The following RARB variants were observed in gnomAD, a reference collection of about 807,000 sequenced individuals.
RARB encodes the protein HBV-activated protein.
In RARB, 17 loss-of-function variants were observed where a neutral mutation model predicts 51.9. That is an observed-to-expected ratio of 0.33 (90% CI 0.22 to 0.49). RARB has a LOEUF of 0.49. Among genes scored for constraint, RARB ranks in the 20% least tolerant of loss-of-function variants. The pLI is 0.99. For missense variants in RARB, 369 were observed against 550.8 expected, an observed-to-expected ratio of 0.67 and a Z score of 3.30; for synonymous variants, 215 against 195.4, an observed-to-expected ratio of 1.10 and a Z score of -0.84.
At chr3:25,521,323 A>G (rs1229584233) in intron 3 of RARB, among the ~76,000 whole-genome samples, 1 of 152,136 alleles carries the variant, frequency 6.6e-6, no homozygotes, top group Non-Finnish European at 1.5e-5. Flanking sequence ...TCCTTCCTAG[A>G]TCTAATTATA....
At chr3:24,881,492 T>C (rs994601097) in intron 2 of RARB, among the ~76,000 whole-genome samples, 2 of 152,200 alleles carry the variant, frequency 1.3e-5, no homozygotes, top group African/African-American at 2.4e-5. Flanking sequence ...AGTGAACTCA[T>C]TGAGTACTTA....
intron 3 of RARB, among the ~76,000 whole-genome samples, chr3:25,091,453 GCGGC>G (rs1384860714): frequency 6.6e-6 from 1 of 152,166 alleles, no homozygotes; most frequent in Non-Finnish European, 1.5e-5. Context: ...CTAGGAAATA[GCGGC>G]TTCTGAACTA....
At chr3:25,058,278 G>T (rs1698480345) in intron 2 of RARB, among the ~76,000 whole-genome samples, 1 of 151,856 alleles carries the variant, frequency 6.6e-6, no homozygotes, top group African/African-American at 2.4e-5. Flanking sequence ...TATCCTGGAT[G>T]TTGATATAGT....
chr3:24,844,469 A>G (rs1416093653), intron 1 of RARB, among the ~76,000 whole-genome samples: 3 of 152,158 alleles, frequency 2.0e-5, no homozygotes, highest in Non-Finnish European at 4.4e-5. Flanking sequence ...ATCGGTTTCA[A>G]ATTTCCAAGT....
In RARB at chr3:25,414,431, C is replaced by T. The variant is rs187646680; in HGVS notation, c.179-46762C>T. Among the ~76,000 whole-genome samples the T allele has an allele frequency of 1.9e-3, 287 of 152,314 alleles. 1 individual carries two copies. Among genetic ancestry groups the T allele is most frequent in the Non-Finnish European group, 3.4e-3 (231 of 68,040 alleles). ...TATGCCTTAATGTCTCCTGAGTAAA[C>T]ACCTAGGCATGGAATGGCAGGATCA... is the stretch of plus-strand genomic sequence containing the variant. On this transcript the variant is annotated intron_variant, in intron 5 of 11. Coordinates refer to the RARB transcript ENST00000383772.
At chr3:25,543,145 G>T (rs1039701758) in intron 3 of RARB, among the ~76,000 whole-genome samples, 4 of 152,108 alleles carry the variant, frequency 2.6e-5, no homozygotes, top group Non-Finnish European at 5.9e-5. Context: ...AGAATATTTG[G>T]CCGAAAATGT....
At chr3:25,397,204 T>C (rs925306932) in intron 5 of RARB, among the ~76,000 whole-genome samples, 19 of 152,208 alleles carry the variant, frequency 1.2e-4, no homozygotes, top group African/African-American at 4.3e-4. Context: ...CTGGGGACTG[T>C]GTGCCCACAG....
chr3:25,501,351 CCT>C, intron 3 of RARB, 28 bp downstream of exon 3: 2 of 1,603,996 alleles, frequency 1.2e-6, no homozygotes, highest in Non-Finnish European at 1.7e-6. Context: ...AAACTTTTTC[CCT>C]GTTTTCCTTA....
chr3:24,952,271 C>G (rs36052996), intron 2 of RARB, among the ~76,000 whole-genome samples: 45,101 of 151,542 alleles, frequency 0.3, 6,899 homozygotes, highest in East Asian at 0.43. Context: ...ATTAAATTTA[C>G]ACAATTAATG....
At chr3:25,142,428 G>C (rs886538064) in intron 4 of RARB, among the ~76,000 whole-genome samples, 4 of 152,158 alleles carry the variant, frequency 2.6e-5, no homozygotes, top group African/African-American at 9.7e-5. Flanking sequence ...TGGCTGGCAT[G>C]CCTATGAAAG....
At chr3:25,062,862 T>C (rs1424874888) in intron 3 of RARB, among the ~76,000 whole-genome samples, 1 of 152,086 alleles carries the variant, frequency 6.6e-6, no homozygotes, top group Middle Eastern at 3.4e-3. Flanking sequence ...AGTTGCAAAA[T>C]TCTGTAAATA....
At chr3:24,939,886 G>A (rs909668344) in intron 2 of RARB, among the ~76,000 whole-genome samples, 1 of 152,294 alleles carries the variant, frequency 6.6e-6, no homozygotes, top group African/African-American at 2.4e-5. Flanking sequence ...ATAACACTGA[G>A]AAGGAAGTTC....
intron 5 of RARB, among the ~76,000 whole-genome samples, chr3:25,204,548 G>T (rs1352272645): frequency 5.9e-5 from 9 of 152,096 alleles, no homozygotes; most frequent in African/African-American, 1.7e-4. Flanking sequence ...TTCCCCATCT[G>T]TGTGGTTTTA....
intron 5 of RARB, among the ~76,000 whole-genome samples, chr3:25,238,917 T>G (rs1300976948): frequency 6.6e-6 from 1 of 150,938 alleles, no homozygotes; most frequent in African/African-American, 2.4e-5. Context: ...AGGCGGAGGT[T>G]GCAGTAAGCC....
At chr3:25,508,569 A>G (rs946686607) in intron 3 of RARB, among the ~76,000 whole-genome samples, 4 of 152,210 alleles carry the variant, frequency 2.6e-5, no homozygotes, top group Non-Finnish European at 5.9e-5. Flanking sequence ...GGGAAATTAC[A>G]TAAAAATCAT....
At chr3:25,530,758 A>G (rs1318650776) in intron 3 of RARB, among the ~76,000 whole-genome samples, 1 of 152,224 alleles carries the variant, frequency 6.6e-6, no homozygotes, top group Non-Finnish European at 1.5e-5. Flanking sequence ...CCCTTGCCAC[A>G]TAACATATTC....
At chr3:25,249,836 C>T (rs976760955) in intron 5 of RARB, among the ~76,000 whole-genome samples, 1 of 60,870 alleles carries the variant, frequency 1.6e-5, no homozygotes, top group Non-Finnish European at 2.8e-5. Context: ...TCCTGGGGCC[C>T]CAGTGGTAGC....
chr3:24,889,094 G>T (rs1265457962), intron 2 of RARB, among the ~76,000 whole-genome samples: 1 of 152,222 alleles, frequency 6.6e-6, no homozygotes, highest in African/African-American at 2.4e-5. Flanking sequence ...ACTGTCCCCT[G>T]TGAGGACTCA....
chr3:25,344,361 G>C (rs1267772378), intron 5 of RARB, among the ~76,000 whole-genome samples: 2 of 152,106 alleles, frequency 1.3e-5, no homozygotes, highest in Non-Finnish European at 2.9e-5. Context: ...CAAATTAAGA[G>C]CAATTAATTT....
Sources: allele counts gnomAD v4.1 joint callset (sites outside exome capture counted in the v4.1 genomes callset), GRCh38; gene constraint gnomAD v4.1.1; transcripts MANE v1.5; gene names NCBI Gene and HGNC (gene_info 2026-07-23, HGNC 2026-07-21).